Variants in FSHR observed in about 807,000 individuals in gnomAD.
FSHR encodes the protein follicle stimulating hormone receptor, also known as follicle-stimulating hormone receptor.
In FSHR, 46 loss-of-function variants were observed where a neutral mutation model predicts 52.1. The observed-to-expected ratio is 0.88, with a 90% CI of 0.70 to 1.13. FSHR has a LOEUF of 1.13. FSHR is among the 50% of genes most tolerant of loss of function. The pLI, the probability that FSHR is intolerant of heterozygous loss-of-function variation, is 0.00. For missense variants in FSHR, 964 were observed against 834.6 expected (o/e 1.16, Z -1.91); for synonymous variants, 399 against 309.6 (o/e 1.29, Z -3.03).
intron 2 of FSHR, among the ~76,000 whole-genome samples, chr2:49,061,147 C>T (rs148298985): frequency 2.0e-5 from 3 of 152,068 alleles, no homozygotes; most frequent in African/African-American, 7.2e-5. Flanking sequence ...CTCAGAGTCA[C>T]AAATCTTGGC....
At chr2:49,127,844 CTTCT>C in intron 1 of FSHR, among the ~76,000 whole-genome samples, 1 of 20,972 alleles carries the variant, frequency 4.8e-5, no homozygotes, top group Admixed American at 7.6e-4. Context: ...TCTTCTTCTT[CTTCT>C]TCTTCTTCTT....
intron 6 of FSHR, among the ~76,000 whole-genome samples, chr2:48,987,644 T>A (rs1403354133): frequency 6.6e-6 from 1 of 152,182 alleles, no homozygotes; most frequent in African/African-American, 2.4e-5. Context: ...AACCTCTTTT[T>A]CTTAGCTTCC....
At chr2:49,018,935 A>C (rs1490117542) in intron 3 of FSHR, among the ~76,000 whole-genome samples, 1 of 152,182 alleles carries the variant, frequency 6.6e-6, no homozygotes, top group Admixed American at 6.6e-5. Context: ...TTAAAAAGAT[A>C]CAAAAGAGTC....
At chr2:49,127,801 TC>T (rs1558456407) in intron 1 of FSHR, among the ~76,000 whole-genome samples, 2 of 57,228 alleles carry the variant, frequency 3.5e-5, no homozygotes, top group East Asian at 9.1e-4. Context: ...TTCTTCTTCT[TC>T]TTCTTCTTCT....
At position 49,035,589 on chromosome 2, in the gene FSHR, C is replaced by T. The variant is rs60423560; in HGVS notation, c.225-15429G>A. 5.3e-5 allele frequency among the ~76,000 whole-genome samples: 8 copies of T among 152,258 alleles called. No homozygotes were observed. In the East Asian group the frequency reaches 1.5e-3, roughly 29 times the overall value. ...TTGATCCACCTTGACTCCTAATCCT[C>T]TATCAAAACATCAGCCTATGAGATC... On this transcript the variant is annotated intron_variant, in intron 2 of 9. Coordinates refer to ENST00000406846, the MANE Select transcript of FSHR (RefSeq NM_000145.4).
rs973222354 is a variant in FSHR at position 49,102,120 on chromosome 2, G to A, written c.153-33830C>T. On this transcript the variant is annotated intron_variant, in intron 1 of 9. Transcript: ENST00000406846. Reference sequence around the variant, plus strand: ...CTAATCAAGGGAAGCTAAGCATGATGGGCAGTGCAGAGGGCCACATATAGT... The same window carrying A: ...CTAATCAAGGGAAGCTAAGCATGATAGGCAGTGCAGAGGGCCACATATAGT... Among the ~76,000 whole-genome samples the A allele has an allele frequency of 2.6e-5, 4 of 152,142 alleles. No homozygotes were observed. The South Asian group carries it at 8.3e-4, about 32-fold the overall frequency.
In FSHR at chr2:49,131,757, C is replaced by T. The variant is rs377475622; in HGVS notation, c.152+22509G>A. On this transcript the variant is annotated intron_variant, in intron 1 of 9. Transcript: ENST00000406846. The stretch of plus-strand genomic sequence containing the variant: ...GAGAAAATATTATTTCCTTCAGGAA[C>T]AAGAACAATTTCTTTGATTTGCTCC... Among the ~76,000 whole-genome samples, 8 of 152,266 alleles carry T rather than the reference C, an allele frequency of 5.3e-5. No individual in the cohort carries two copies. The South Asian group carries it at 1.2e-3, about 24-fold the overall frequency.
intron 2 of FSHR, 126 bp downstream of exon 2, chr2:49,068,093 A>T (rs572897399): frequency 5.8e-4 from 433 of 748,028 alleles, no homozygotes; most frequent in Non-Finnish European, 8.0e-4. Context: ...ATGTGAGGAG[A>T]TGCAGAAAGT....
rs926692085 is a variant in FSHR at position 49,110,196 on chromosome 2, G to A, written c.153-41906C>T. Among the ~76,000 whole-genome samples, 5 of 152,132 alleles carry A rather than the reference G, an allele frequency of 3.3e-5. No individual in the cohort carries two copies. In the East Asian group the frequency reaches 9.6e-4, roughly 29 times the overall value. On this transcript the variant is annotated intron_variant, in intron 1 of 9. Coordinates refer to ENST00000406846, the MANE Select transcript of FSHR (RefSeq NM_000145.4). The stretch of plus-strand genomic sequence containing the variant: ...CTATATGCCAAGCATGGTACTAAGT[G>A]TTTTTACCTTTATTAGCTTATTTAA...
At chr2:48,983,948 T>C (rs928440334) in intron 6 of FSHR, among the ~76,000 whole-genome samples, 9 of 152,124 alleles carry the variant, frequency 5.9e-5, no homozygotes, top group African/African-American at 1.7e-4. Context: ...TGCCTTGCTC[T>C]GCTCCTGAGT....
intron 1 of FSHR, among the ~76,000 whole-genome samples, chr2:49,080,597 T>C (rs1409725890): frequency 6.6e-6 from 1 of 152,184 alleles, no homozygotes; most frequent in Non-Finnish European, 1.5e-5. Flanking sequence ...GTTGATAAGA[T>C]GTATGTAAAC....
chr2:49,051,864 T>G (rs1358735291), intron 2 of FSHR, among the ~76,000 whole-genome samples: 2 of 152,180 alleles, frequency 1.3e-5, no homozygotes, highest in African/African-American at 4.8e-5. Context: ...TTAAATTTTG[T>G]GTATAACATG....
intron 6 of FSHR, among the ~76,000 whole-genome samples, chr2:48,987,576 G>A (rs559861008): frequency 7.2e-4 from 109 of 151,938 alleles, no homozygotes; most frequent in African/African-American, 2.4e-3. Context: ...CCCTCTGCAC[G>A]CCCTTTGCCA....
intron 1 of FSHR, among the ~76,000 whole-genome samples, chr2:49,096,232 A>G: frequency 6.6e-6 from 1 of 152,230 alleles, no homozygotes; most frequent in Admixed American, 6.5e-5. Flanking sequence ...GAATGAATGA[A>G]TAAACATAAT....
At chr2:49,073,760 T>C (rs1251869454) in intron 1 of FSHR, among the ~76,000 whole-genome samples, 1 of 152,026 alleles carries the variant, frequency 6.6e-6, no homozygotes, top group Non-Finnish European at 1.5e-5. Context: ...AACAAAATTA[T>C]ATGCATCACA....
intron 2 of FSHR, among the ~76,000 whole-genome samples, chr2:49,060,361 ACTCAGTATC>A (rs1669240837): frequency 6.6e-6 from 1 of 152,034 alleles, no homozygotes; most frequent in Non-Finnish European, 1.5e-5. Flanking sequence ...AAAAACAAAA[ACTCAGTATC>A]CTGGGAAAAC....
rs756512445 is a variant in FSHR, at chr2:48,963,317, G to C, written c.1504C>G (p.Leu502Val). 1.2e-6 allele frequency: 2 copies of C among 1,613,896 alleles called. No individual in the cohort carries two copies. Among genetic ancestry groups the C allele is most frequent in the South Asian group, 1.1e-5 (1 of 91,050 alleles). The change falls in exon 10 of 10, where the codon CTC becomes GTC. Residue 502 changes from leucine (L) to valine (V), a missense_variant. Leu to Val is a conservative substitution (Grantham distance 32). Coordinates refer to ENST00000406846, the MANE Select transcript of FSHR (RefSeq NM_000145.4). Reference protein sequence around the residue: ...MGWIFAFAAALFPIFGISSYM... With the variant: ...MGWIFAFAAAVFPIFGISSYM... ...CTGCTGATGCCAAAGATGGGAAAGA[G>C]GGCAGCTGCAAAAGCAAAAATCCAG...
At position 49,119,536 on chromosome 2, in the gene FSHR, T is replaced by C. The variant is rs574344632; in HGVS notation, c.152+34730A>G. Among the ~76,000 whole-genome samples, 7 of 152,298 alleles carry C rather than the reference T, an allele frequency of 4.6e-5. No homozygotes were observed. The East Asian group carries it at 1.3e-3, about 29-fold the overall frequency. ...TGAAAAATTTTTTTCTTTCCTTTTT[T>C]GCAATGGCGCATTTTAGATCCTTGG... On this transcript the variant is annotated intron_variant, in intron 1 of 9. Transcript: ENST00000406846.
At chr2:49,034,344 G>C (rs1668206270) in intron 2 of FSHR, among the ~76,000 whole-genome samples, 3 of 152,182 alleles carry the variant, frequency 2.0e-5, no homozygotes, top group Admixed American at 2.0e-4. Context: ...AAGGAGTTAA[G>C]AAAAGTCTGA....
Sources: gnomAD v4.1 joint callset for allele counts (sites outside exome capture counted in the v4.1 genomes callset) on GRCh38, gnomAD v4.1.1 for gene constraint, MANE v1.5 for transcripts, NCBI Gene and HGNC (gene_info 2026-07-23, HGNC 2026-07-21) for gene names.